Variants in GOLT1B observed in about 807,000 individuals in gnomAD.
The protein encoded by GOLT1B is vesicle transport protein GOT1B.
A neutral mutation model predicts 15.4 loss-of-function variants in GOLT1B; 3 were observed. The observed-to-expected ratio is 0.19, with a 90% confidence interval of 0.09 to 0.50. The LOEUF (loss-of-function observed/expected upper bound fraction) is 0.50, where lower values mean the gene tolerates loss of function less well. Among genes scored for constraint, GOLT1B ranks in the 20% least tolerant of loss-of-function variants. GOLT1B has a pLI of 0.97. For synonymous variants in GOLT1B, 65 were observed against 56.2 expected, an observed-to-expected ratio of 1.16 and a Z score of -0.70; for missense variants, 145 against 160.4, an observed-to-expected ratio of 0.90 and a Z score of 0.52.
chr12:21,506,612 C>T lies in GOLT1B; in HGVS notation c.26-273C>T, dbSNP rs533835764. ...TATTAAAACCAAAGGTTTAGAATCC[C>T]GATTTATCTTTTTTATTATAGCTAT... On this transcript the variant is annotated intron_variant, in intron 1 of 4. Coordinates refer to ENST00000229314, the MANE Select transcript of GOLT1B (RefSeq NM_016072.5). 9.2e-5 allele frequency among the ~76,000 whole-genome samples: 14 copies of T among 151,992 alleles called. No homozygotes were observed. The South Asian group carries it at 2.7e-3, about 29-fold the overall frequency.
At chr12:21,511,384 T>C (rs1038964052) in intron 3 of GOLT1B, among the ~76,000 whole-genome samples, 3 of 129,584 alleles carry the variant, frequency 2.3e-5, no homozygotes, top group African/African-American at 8.7e-5. Context: ...TGTTCAGCTA[T>C]CCGGAAGCTC....
chr12:21,508,020 C>T (rs1362032845), intron 2 of GOLT1B: 1 of 441,736 alleles, frequency 2.3e-6, no homozygotes, highest in Non-Finnish European at 4.5e-6. Flanking sequence ...GGCAGCTTTC[C>T]TCTTTATGCC....
chr12:21,502,054 G>T lies in GOLT1B; in HGVS notation c.25+106G>T, dbSNP rs907328032. The T allele has an allele frequency of 6.0e-6, 5 of 827,624 alleles. No homozygotes were observed. The African/African-American group carries it at 8.3e-5, about 14-fold the overall frequency. The allele number at this position is 827,624 out of a possible 1,614,324, so 51.3% of individuals were successfully genotyped here. The stretch of plus-strand genomic sequence containing the variant: ...ATGAATGAAGCTCTGGGTTGGGGGC[G>T]GTGGCCTGCGAGACAGAGCTAGGGC... On this transcript the variant is annotated intron_variant, in intron 1 of 4. Transcript: ENST00000229314.
At chr12:21,512,449 A>C (rs1378642984) in intron 4 of GOLT1B, 73 bp downstream of exon 4, 13 of 788,374 alleles carry the variant, frequency 1.6e-5, no homozygotes, top group Non-Finnish European at 2.7e-5. Context: ...AATTTGAGTA[A>C]TTGATACTTG....
At chr12:21,508,360 G>A in intron 2 of GOLT1B, 23 bp from the exon 3 acceptor site, 1 of 1,424,538 alleles carries the variant, frequency 7.0e-7, no homozygotes, top group Non-Finnish European at 9.6e-7. Context: ...CCTTTTCCGT[G>A]TTGTATTTTC....
At chr12:21,508,708 G>T (rs11046092) in intron 3 of GOLT1B, 147 bp downstream of exon 3, 93,548 of 571,882 alleles carry the variant, frequency 0.16, 11,154 homozygotes, top group African/African-American at 0.47. Context: ...TTTAGATGAA[G>T]CAACTATAAA....
intron 2 of GOLT1B, chr12:21,507,838 C>T: frequency 2.6e-6 from 1 of 388,668 alleles, no homozygotes. Context: ...ATTTTTATTT[C>T]TGCTGCCACC....
At position 21,511,381 on chromosome 12, in the gene GOLT1B, C is replaced by G. The variant is rs551897591; in HGVS notation, c.297-914C>G. Among the ~76,000 whole-genome samples, 3 of 134,444 alleles carry G rather than the reference C, an allele frequency of 2.2e-5. No homozygotes were observed. In the South Asian group the frequency reaches 8.3e-4, roughly 37 times the overall value. The allele number at this position is 134,444 out of a possible 152,430, so 88.2% of individuals were successfully genotyped here. A position where few individuals can be genotyped will look rare whatever the true frequency, so the allele number is the denominator to read the frequency against. ...CCTCCAAGAACATCCTTGTGTTCAG[C>G]TATCCGGAAGCTCCCTGAACACTGT... On this transcript the variant is annotated intron_variant, in intron 3 of 4. Coordinates refer to ENST00000229314, the MANE Select transcript of GOLT1B (RefSeq NM_016072.5).
chr12:21,515,599 T>A, intron 4 of GOLT1B, 70 bp from the exon 5 acceptor site: 1 of 810,974 alleles, frequency 1.2e-6, no homozygotes, highest in East Asian at 2.5e-5. Flanking sequence ...AATCAACATT[T>A]TAAATATTGA....
chr12:21,504,187 A>AT (rs1403899479), intron 1 of GOLT1B, among the ~76,000 whole-genome samples: 2 of 151,936 alleles, frequency 1.3e-5, no homozygotes, highest in Non-Finnish European at 2.9e-5. Flanking sequence ...TTGTTTTTAT[A>AT]TTTTTTTTAA....
intron 4 of GOLT1B, 106 bp from the exon 5 acceptor site, chr12:21,515,563 C>G: frequency 1.4e-6 from 1 of 691,772 alleles, no homozygotes; most frequent in South Asian, 1.7e-5. Flanking sequence ...ATTTCCACAA[C>G]TCTTCTTGTA....
At chr12:21,510,782 T>C (rs1943713933) in intron 3 of GOLT1B, among the ~76,000 whole-genome samples, 1 of 152,240 alleles carries the variant, frequency 6.6e-6, no homozygotes, top group Admixed American at 6.5e-5. Flanking sequence ...AAATTCTGCT[T>C]TCTGTTTAAT....
chr12:21,517,289 C>G lies in GOLT1B; in HGVS notation c.*1582C>G, dbSNP rs1212162912. On this transcript the variant is annotated 3_prime_UTR_variant, in exon 5 of 5. Transcript: ENST00000229314. ...AGGATTAAGACATTTTTGGTACTTG[C>G]ATTTGACTTACGATGTATCTGTGAA... is the stretch of plus-strand genomic sequence containing the variant. 3 of 152,546 alleles carry G rather than the reference C, an allele frequency of 2.0e-5. No individual in the cohort carries two copies. Among genetic ancestry groups the G allele is most frequent in the East Asian group, 3.9e-4 (2 of 5,180 alleles). 9.4% of individuals were successfully genotyped at this position (152,546 alleles called of 1,614,324 possible).
Position 21,508,558 on chromosome 12 carries a change from T to G in GOLT1B, c.293T>G (p.Phe98Cys). 6.6e-7 allele frequency: 1 copy of G among 1,507,208 alleles called. No homozygotes were observed. The highest frequency in any genetic ancestry group is 9.2e-7 in the Non-Finnish European group (1 of 1,085,174). 93.4% of individuals were successfully genotyped at this position (1,507,208 alleles called of 1,614,324 possible). Residue 98 changes from phenylalanine to cysteine, a missense_variant, in exon 3 of 5, where the codon TTC becomes TGC. Phe to Cys is a radical substitution (Grantham distance 205, BLOSUM62 -2). Coordinates refer to ENST00000229314, the MANE Select transcript of GOLT1B (RefSeq NM_016072.5). ...IFEIYGFFLL[F>C]RGFFPVVVGF... ...GAAATTTATGGATTTTTTCTCTTGTTCAGGTAAGGCATATTATTGTCTCTT... is the reference window on the plus strand; with the variant it reads ...GAAATTTATGGATTTTTTCTCTTGTGCAGGTAAGGCATATTATTGTCTCTT...
rs1219155215 is a variant in GOLT1B, at chr12:21,516,628, CTTA to C, written c.*927_*929del. The C allele has an allele frequency of 2.0e-5, 3 of 151,626 alleles. No individual in the cohort carries two copies. The highest frequency in any genetic ancestry group is 2.9e-5 in the Non-Finnish European group (2 of 67,850). 9.4% of individuals were successfully genotyped at this position (151,626 alleles called of 1,614,324 possible). On this transcript the variant is annotated 3_prime_UTR_variant, in exon 5 of 5. Transcript: ENST00000229314. ...TCTTTTTTTTAAATTTTAGCAGTGG[CTTA>C]TTATTTGTTTTTCATAAATTAAAAT...
intron 3 of GOLT1B, 85 bp from the exon 4 acceptor site, chr12:21,512,210 G>T: frequency 1.3e-6 from 1 of 752,638 alleles, no homozygotes; most frequent in Admixed American, 2.2e-5. Flanking sequence ...AATTTTAACA[G>T]GATACTTTCT....
At chr12:21,504,443 G>T (rs1219496085) in intron 1 of GOLT1B, 2 of 434,478 alleles carry the variant, frequency 4.6e-6, no homozygotes, top group Admixed American at 2.4e-5. Context: ...AGTACCAGTT[G>T]TGGCAAAGAT....
chr12:21,508,694 T>C (rs763160227), intron 3 of GOLT1B, 133 bp downstream of exon 3: 6 of 601,734 alleles, frequency 1.0e-5, no homozygotes, highest in South Asian at 2.1e-5. Context: ...TTGAATCTTA[T>C]AGATTTAGAT....
chr12:21,512,460 G>C (rs891823918), intron 4 of GOLT1B, 84 bp downstream of exon 4: 1 of 752,554 alleles, frequency 1.3e-6, no homozygotes, highest in Non-Finnish European at 2.4e-6. Context: ...TTGATACTTG[G>C]TTAATTGCTG....
Sources: gnomAD v4.1 joint callset for allele counts (sites outside exome capture counted in the v4.1 genomes callset) on GRCh38, gnomAD v4.1.1 for gene constraint, MANE v1.5 for transcripts, NCBI Gene and HGNC (gene_info 2026-07-23, HGNC 2026-07-21) for gene names.